ACO1: variants seen among roughly 807,000 people sequenced by gnomAD.
ACO1 encodes the protein cytoplasmic aconitate hydratase.
In ACO1, 78 loss-of-function variants were observed where a neutral mutation model predicts 105.1. The ratio of observed to expected loss-of-function variants is 0.74; its 90% CI spans 0.62 to 0.90. The LOEUF (loss-of-function observed/expected upper bound fraction) is 0.90. Ranked by LOEUF, ACO1 falls within the 40% of genes least tolerant of loss-of-function variation. The probability of loss-of-function intolerance (pLI) is 0.00; values close to 1 mark genes in which losing one functional copy is unlikely to be tolerated. For synonymous variants in ACO1, 364 were observed against 397.4 expected, an observed-to-expected ratio of 0.92 and a Z score of 1.00; for missense variants, 965 against 1,111.1, an observed-to-expected ratio of 0.87 and a Z score of 1.87.
At chr9:32,399,866 T>A (rs1202373106) in intron 1 of ACO1, among the ~76,000 whole-genome samples, 1 of 151,672 alleles carries the variant, frequency 6.6e-6, no homozygotes, top group Non-Finnish European at 1.5e-5. Context: ...AAACTGTAAA[T>A]CATGGTATTA....
At position 32,448,993 on chromosome 9, in the gene ACO1, A is replaced by C. The variant is rs1302329931; in HGVS notation, c.2468A>C (p.Asn823Thr). 4 of 1,614,178 alleles carry C rather than the reference A, an allele frequency of 2.5e-6. No individual in the cohort carries two copies. Among genetic ancestry groups the C allele is most frequent in the African/African-American group, 1.3e-5 (1 of 75,034 alleles). Residue 823 changes from asparagine to threonine, a missense_variant, in exon 20 of 21, where the codon AAT becomes ACT. By Grantham distance (65) the Asn-to-Thr change is moderately conservative. Coordinates refer to ENST00000309951, the MANE Select transcript of ACO1 (RefSeq NM_002197.3). ...CCACTTGAATATCTCCCTGGTGAGA[A>C]TGCAGATGCCCTGGGGCTCACAGGG... ...VIPLEYLPGE[N>T]ADALGLTGQE...
Position 32,450,032 on chromosome 9 carries a change from G to A in ACO1, c.2591G>A (p.Arg864Lys), listed in dbSNP as rs1316410829. Residue 864 changes from arginine to lysine, a missense_variant, in exon 21 of 21, where the codon AGG becomes AAG. Transcript: ENST00000309951. Reference protein sequence around the residue: ...DTGKTFQAVMRFDTDVELTYF... With the variant: ...DTGKTFQAVMKFDTDVELTYF... ...GGCAAGACCTTCCAGGCTGTCATGA[G>A]GTTTGACACTGATGTGGAGCTCACT... 5.0e-6 allele frequency: 8 copies of A among 1,613,988 alleles called. No individual in the cohort carries two copies. Among genetic ancestry groups the A allele is most frequent in the South Asian group, 1.1e-5 (1 of 91,088 alleles).
At chr9:32,399,747 T>C (rs540051248) in intron 1 of ACO1, among the ~76,000 whole-genome samples, 1 of 152,048 alleles carries the variant, frequency 6.6e-6, no homozygotes, top group Admixed American at 6.5e-5. Context: ...CCTATTAAGA[T>C]ATTTGAGGTT....
intron 18 of ACO1, among the ~76,000 whole-genome samples, chr9:32,438,622 A>C (rs1741438034): frequency 6.6e-6 from 1 of 152,278 alleles, no homozygotes; most frequent in African/African-American, 2.4e-5. Flanking sequence ...AAAACATAGA[A>C]AAAATGAAAA....
chr9:32,436,894 T>A (rs1049609822), intron 18 of ACO1, among the ~76,000 whole-genome samples: 9 of 152,172 alleles, frequency 5.9e-5, no homozygotes, highest in Non-Finnish European at 7.4e-5. Context: ...TTAAAGTTAT[T>A]TCCATCTCTG....
chr9:32,405,211 T>G (rs770893656), intron 1 of ACO1, among the ~76,000 whole-genome samples: 2 of 152,226 alleles, frequency 1.3e-5, no homozygotes, highest in Non-Finnish European at 2.9e-5. Context: ...TGTCGCCTCC[T>G]GCACTAGCAA....
intron 13 of ACO1, among the ~76,000 whole-genome samples, chr9:32,430,118 G>A (rs753560686): frequency 2.0e-5 from 3 of 152,200 alleles, no homozygotes; most frequent in Non-Finnish European, 2.9e-5. Context: ...ACGATCAACT[G>A]TTAGGTCTTT....
intron 8 of ACO1, 48 bp from the exon 9 acceptor site, chr9:32,423,271 A>T (rs772310003): frequency 2.2e-5 from 25 of 1,130,432 alleles, no homozygotes; most frequent in Non-Finnish European, 2.9e-5. Flanking sequence ...AACTTCAACC[A>T]GGAAATACTA....
At chr9:32,426,084 G>C (rs1822088526) in intron 11 of ACO1, 87 bp downstream of exon 11, 28 of 1,359,534 alleles carry the variant, frequency 2.1e-5, no homozygotes, top group Non-Finnish European at 2.8e-5. Context: ...TGGCGGAGTT[G>C]TACATGTAGT....
At chr9:32,438,140 A>T (rs1822403969) in intron 18 of ACO1, among the ~76,000 whole-genome samples, 1 of 152,236 alleles carries the variant, frequency 6.6e-6, no homozygotes, top group African/African-American at 2.4e-5. Context: ...AAAACAGCTC[A>T]CATGAAACAA....
chr9:32,411,935 G>A (rs1378225575), intron 4 of ACO1, among the ~76,000 whole-genome samples: 4 of 151,758 alleles, frequency 2.6e-5, no homozygotes, highest in South Asian at 2.1e-4. Flanking sequence ...CCGGGGTGGC[G>A]TGATCACAGT....
chr9:32,410,942 C>T (rs891186681), intron 4 of ACO1, among the ~76,000 whole-genome samples: 14 of 152,232 alleles, frequency 9.2e-5, no homozygotes, highest in African/African-American at 3.1e-4. Context: ...GCAGGGCAGC[C>T]GGGACAACTC....
intron 8 of ACO1, 53 bp from the exon 9 acceptor site, chr9:32,423,266 C>A: frequency 9.3e-7 from 1 of 1,076,542 alleles, no homozygotes; most frequent in Non-Finnish European, 1.4e-6. Context: ...TTATAAACTT[C>A]AACCAGGAAA....
chr9:32,435,542 C>A (rs935488131), intron 17 of ACO1, among the ~76,000 whole-genome samples: 1 of 152,144 alleles, frequency 6.6e-6, no homozygotes, highest in Non-Finnish European at 1.5e-5. Flanking sequence ...TATTAACACA[C>A]CCACCCCCTA....
chr9:32,397,466 A>G (rs975099036), intron 1 of ACO1, among the ~76,000 whole-genome samples: 1 of 152,226 alleles, frequency 6.6e-6, no homozygotes, highest in Non-Finnish European at 1.5e-5. Flanking sequence ...TAGCTCTCTT[A>G]TGAAAGAACC....
At position 32,450,756 on chromosome 9, in the gene ACO1, C is replaced by T. The variant is rs1354932868; in HGVS notation, c.*645C>T. On this transcript the variant is annotated 3_prime_UTR_variant, in exon 21 of 21. Transcript: ENST00000309951. Reference sequence around the variant, plus strand: ...TTTCTTTTACTATCTTTTCATTTATCAAGCAGAGACCTTTGTTGGGAGGCG... The same window carrying T: ...TTTCTTTTACTATCTTTTCATTTATTAAGCAGAGACCTTTGTTGGGAGGCG... 6.6e-6 allele frequency: 1 copy of T among 152,116 alleles called. No homozygotes were observed. Among genetic ancestry groups the T allele is most frequent in the East Asian group, 1.9e-4 (1 of 5,188 alleles). 9.4% of individuals were successfully genotyped at this position (152,116 alleles called of 1,614,324 possible). A position where few individuals can be genotyped will look rare whatever the true frequency, so the allele number is the denominator to read the frequency against.
At chr9:32,428,500 T>C (rs1198126484) in intron 12 of ACO1, among the ~76,000 whole-genome samples, 1 of 143,608 alleles carries the variant, frequency 7.0e-6, no homozygotes, top group Non-Finnish European at 1.5e-5. Context: ...ACTGGTTTGC[T>C]TTTTTTTTTA....
rs1308511213 is a variant in ACO1 at position 32,450,885 on chromosome 9, T to C, written c.*774T>C. 6.8e-6 allele frequency: 1 copy of C among 147,626 alleles called. No homozygotes were observed. Among genetic ancestry groups the C allele is most frequent in the Non-Finnish European group, 1.5e-5 (1 of 67,876 alleles). 9.1% of individuals were successfully genotyped at this position (147,626 alleles called of 1,614,324 possible). On this transcript the variant is annotated 3_prime_UTR_variant, in exon 21 of 21. Transcript: ENST00000309951. Reference sequence around the variant, plus strand: ...TGTTTGTGGCTAGAGTTTTGGGATATTTAGTACAGAGTGAATCTCACACCA... The same window carrying C: ...TGTTTGTGGCTAGAGTTTTGGGATACTTAGTACAGAGTGAATCTCACACCA...
Position 32,436,329 on chromosome 9 carries a change from A to G in ACO1, c.2179A>G (p.Ile727Val), listed in dbSNP as rs1822360349. The G allele has an allele frequency of 1.9e-6, 3 of 1,614,202 alleles. No homozygotes were observed. The highest frequency in any genetic ancestry group is 2.5e-6 in the Non-Finnish European group (3 of 1,180,016). Residue 727 changes from isoleucine to valine, a missense_variant, in exon 18 of 21, where the codon ATT (isoleucine) becomes GTT (valine). Physicochemically the swap from Ile to Val is conservative, Grantham distance 29 (BLOSUM62 3). Coordinates refer to ENST00000309951, the MANE Select transcript of ACO1 (RefSeq NM_002197.3). Reference sequence around the variant, plus strand: ...CATGGCACGGGGAACATTTGCCAACATTCGCTTGTTAAACAGATTTTTGAA... The same window carrying G: ...CATGGCACGGGGAACATTTGCCAACGTTCGCTTGTTAAACAGATTTTTGAA... ...AVMARGTFAN[I>V]RLLNRFLNKQ...
Sources: allele counts gnomAD v4.1 joint callset (sites outside exome capture counted in the v4.1 genomes callset), GRCh38; gene constraint gnomAD v4.1.1; transcripts MANE v1.5; gene names NCBI Gene and HGNC (gene_info 2026-07-23, HGNC 2026-07-21).